Variants in ST8SIA1 observed in about 807,000 individuals in gnomAD.
ST8SIA1 encodes the protein ST8 alpha-N-acetyl-neuraminide alpha-2,8-sialyltransferase 1.
ST8SIA1 carries 16 observed loss-of-function variants against 35.9 expected under a neutral mutation model. That is an observed-to-expected ratio of 0.45 (90% CI 0.30 to 0.68). The LOEUF is 0.68. Ranked by LOEUF, ST8SIA1 falls within the 30% of genes least tolerant of loss-of-function variation. The pLI, the probability that ST8SIA1 is intolerant of heterozygous loss-of-function variation, is 0.09. For missense variants in ST8SIA1, 383 were observed against 453.6 expected (o/e 0.84, Z 1.41); for synonymous variants, 170 against 169.6 (o/e 1.00, Z -0.02).
chr12:22,241,119 G>A lies in ST8SIA1; in HGVS notation c.584+7887C>T, dbSNP rs1189781950. On this transcript the variant is annotated intron_variant, in intron 4 of 4. Transcript: ENST00000396037. Reference sequence around the variant, plus strand: ...AGCAATCCTCTCACCTCAGCCTCCCGAGTACCTGGGACTACCAGAACATGC... The same window carrying A: ...AGCAATCCTCTCACCTCAGCCTCCCAAGTACCTGGGACTACCAGAACATGC... Among the ~76,000 whole-genome samples, 9 of 151,542 alleles carry A rather than the reference G, an allele frequency of 5.9e-5. No homozygotes were observed. In the East Asian group the frequency reaches 9.7e-4, roughly 16 times the overall value.
intron 4 of ST8SIA1, among the ~76,000 whole-genome samples, chr12:22,237,771 G>A (rs1865492576): frequency 6.6e-6 from 1 of 150,686 alleles, no homozygotes; most frequent in Admixed American, 6.6e-5. Context: ...TTTTTAGTAT[G>A]GATTTGTAGA....
intron 1 of ST8SIA1, among the ~76,000 whole-genome samples, chr12:22,333,256 G>A (rs1866792386): frequency 6.6e-6 from 1 of 152,136 alleles, no homozygotes; most frequent in Non-Finnish European, 1.5e-5. Flanking sequence ...TCTTCCAGAG[G>A]CATCCACAGC....
intron 4 of ST8SIA1, among the ~76,000 whole-genome samples, chr12:22,236,227 C>T (rs545399446): frequency 2.0e-5 from 3 of 152,222 alleles, no homozygotes; most frequent in African/African-American, 7.2e-5. Context: ...ATTCCACTCC[C>T]GAAACAACAC....
intron 1 of ST8SIA1, among the ~76,000 whole-genome samples, chr12:22,300,916 T>A (rs1866310796): frequency 6.6e-6 from 1 of 152,160 alleles, no homozygotes. Context: ...GGAAGCATCG[T>A]CAAATCTGAA....
intron 2 of ST8SIA1, among the ~76,000 whole-genome samples, chr12:22,274,896 C>T (rs1451053129): frequency 6.6e-6 from 1 of 152,174 alleles, no homozygotes; most frequent in Admixed American, 6.5e-5. Flanking sequence ...AAAGGGCTCA[C>T]AGTGTGGTCA....
intron 1 of ST8SIA1, among the ~76,000 whole-genome samples, chr12:22,299,380 T>C (rs1165983689): frequency 6.6e-6 from 1 of 152,032 alleles, no homozygotes; most frequent in African/African-American, 2.4e-5. Flanking sequence ...TAAAGAGAAA[T>C]CATTTTATAT....
chr12:22,314,840 A>T (rs1866498174), intron 1 of ST8SIA1, among the ~76,000 whole-genome samples: 1 of 152,130 alleles, frequency 6.6e-6, no homozygotes, highest in East Asian at 1.9e-4. Context: ...TGTTACTTAC[A>T]TACTCCAGAG....
Position 22,231,290 on chromosome 12 carries a change from A to C in ST8SIA1, c.584+17716T>G, listed in dbSNP as rs573847264. ...CTGGAAATGCTGACTTGACATTCCA[A>C]CTGTTCCACGATCACCACCCTATCA... On this transcript the variant is annotated intron_variant, in intron 4 of 4. Coordinates refer to ENST00000396037, the MANE Select transcript of ST8SIA1 (RefSeq NM_003034.4). Among the ~76,000 whole-genome samples, 6 of 151,708 alleles carry C rather than the reference A, an allele frequency of 4.0e-5. No individual in the cohort carries two copies. The South Asian group carries it at 1.2e-3, about 31-fold the overall frequency.
intron 4 of ST8SIA1, among the ~76,000 whole-genome samples, chr12:22,237,828 A>G (rs997156528): frequency 6.6e-6 from 1 of 152,108 alleles, no homozygotes; most frequent in Non-Finnish European, 1.5e-5. Flanking sequence ...TTATTTATCA[A>G]CTTTACTAAA....
At chr12:22,229,284 G>A (rs1865389886) in intron 4 of ST8SIA1, among the ~76,000 whole-genome samples, 1 of 152,038 alleles carries the variant, frequency 6.6e-6, no homozygotes, top group South Asian at 2.1e-4. Flanking sequence ...AGTGTTTGTA[G>A]ATTAATAGAT....
At chr12:22,290,414 T>C (rs1055996028) in intron 1 of ST8SIA1, among the ~76,000 whole-genome samples, 9 of 152,190 alleles carry the variant, frequency 5.9e-5, no homozygotes, top group African/African-American at 1.4e-4. Flanking sequence ...GTAGTAGTCA[T>C]ATTAGAAGTA....
At chr12:22,206,823 G>A (rs1416762746) in intron 4 of ST8SIA1, among the ~76,000 whole-genome samples, 1 of 152,198 alleles carries the variant, frequency 6.6e-6, no homozygotes, top group African/African-American at 2.4e-5. Flanking sequence ...GAGGGACTCA[G>A]AGGAAACCAA....
At chr12:22,321,003 G>GAAAGAAAGAAAGA (rs377218947) in intron 1 of ST8SIA1, among the ~76,000 whole-genome samples, 46 of 76,618 alleles carry the variant, frequency 6.0e-4, no homozygotes, top group African/African-American at 7.6e-4. Flanking sequence ...AAGAAAGAAA[G>GAAAGAAAGAAAGA]AAGAAAGAAA....
At chr12:22,238,978 G>C (rs1865507851) in intron 4 of ST8SIA1, among the ~76,000 whole-genome samples, 1 of 152,132 alleles carries the variant, frequency 6.6e-6, no homozygotes, top group Non-Finnish European at 1.5e-5. Flanking sequence ...TGAAGAAATA[G>C]ATTGCAGAAT....
At chr12:22,288,442 T>C (rs544143484) in intron 1 of ST8SIA1, among the ~76,000 whole-genome samples, 24 of 152,296 alleles carry the variant, frequency 1.6e-4, no homozygotes, top group African/African-American at 5.5e-4. Context: ...CACTGAAAGT[T>C]CAATACGTGG....
chr12:22,314,066 T>C (rs143888236), intron 1 of ST8SIA1, among the ~76,000 whole-genome samples: 104 of 152,174 alleles, frequency 6.8e-4, no homozygotes, highest in African/African-American at 2.4e-3. Context: ...AGGAGGCAAT[T>C]AAGGATGTCA....
chr12:22,308,727 G>A lies in ST8SIA1; in HGVS notation c.237-21434C>T, dbSNP rs73257807. The stretch of plus-strand genomic sequence containing the variant: ...AATGATCAAATCAAATCAAATGGCC[G>A]TTCCTCATTACTCATCCTGATCGCT... On this transcript the variant is annotated intron_variant, in intron 1 of 4. Transcript: ENST00000396037. Among the ~76,000 whole-genome samples, 110 of 152,148 alleles carry A rather than the reference G, an allele frequency of 7.2e-4. 1 individual carries two copies. Among genetic ancestry groups the A allele is most frequent in the African/African-American group, 2.5e-3 (103 of 41,492 alleles).
intron 1 of ST8SIA1, among the ~76,000 whole-genome samples, chr12:22,293,231 C>A (rs576935630): frequency 6.6e-6 from 1 of 152,336 alleles, no homozygotes; most frequent in African/African-American, 2.4e-5. Context: ...GGACTGCAGA[C>A]ACGCAGCACA....
intron 4 of ST8SIA1, among the ~76,000 whole-genome samples, chr12:22,215,247 T>G (rs117655578): frequency 1.3e-5 from 2 of 152,230 alleles, no homozygotes; most frequent in African/African-American, 4.8e-5. Flanking sequence ...ATGACTGATT[T>G]CTTCTCTTGT....
Sources: gnomAD v4.1 joint callset for allele counts (sites outside exome capture counted in the v4.1 genomes callset) on GRCh38, gnomAD v4.1.1 for gene constraint, MANE v1.5 for transcripts, NCBI Gene and HGNC (gene_info 2026-07-23, HGNC 2026-07-21) for gene names.